Variants in FHIT observed in about 807,000 individuals in gnomAD.
The protein encoded by FHIT is bis(5'-adenosyl)-triphosphatase.
Under a neutral mutation model 17.9 loss-of-function variants are expected in FHIT, and 19 were observed. The ratio of observed to expected loss-of-function variants is 1.06; its 90% CI spans 0.74 to 1.56. FHIT has a LOEUF of 1.56. FHIT is among the 40% of genes most tolerant of loss of function. The probability of loss-of-function intolerance (pLI) is 0.00; values close to 1 mark genes in which losing one functional copy is unlikely to be tolerated. For synonymous variants in FHIT, 81 were observed against 69.7 expected, an observed-to-expected ratio of 1.16 and a Z score of -0.81; for missense variants, 248 against 189.2, an observed-to-expected ratio of 1.31 and a Z score of -1.82.
chr3:60,285,505 T>C (rs1277815475), intron 5 of FHIT, among the ~76,000 whole-genome samples: 2 of 152,204 alleles, frequency 1.3e-5, no homozygotes, highest in Non-Finnish European at 2.9e-5. Context: ...TGATGGATTT[T>C]TCACTTGTCT....
intron 7 of FHIT, among the ~76,000 whole-genome samples, chr3:59,963,308 G>A (rs1260456008): frequency 6.6e-6 from 1 of 151,876 alleles, no homozygotes; most frequent in African/African-American, 2.4e-5. Context: ...AAAGAAAAAT[G>A]TATTGTTAGT....
At chr3:60,210,724 A>C (rs1289226187) in intron 5 of FHIT, among the ~76,000 whole-genome samples, 1 of 152,162 alleles carries the variant, frequency 6.6e-6, no homozygotes, top group Non-Finnish European at 1.5e-5. Flanking sequence ...ATCTGACAGG[A>C]AAGTCTTAAA....
chr3:60,547,143 G>A (rs995337737), intron 4 of FHIT, among the ~76,000 whole-genome samples: 1 of 152,118 alleles, frequency 6.6e-6, no homozygotes. Flanking sequence ...ATGGCAGAAA[G>A]CAATTTTATT....
intron 5 of FHIT, among the ~76,000 whole-genome samples, chr3:60,505,948 C>T (rs2034710835): frequency 6.6e-6 from 1 of 152,162 alleles, no homozygotes; most frequent in Admixed American, 6.5e-5. Flanking sequence ...GCCAACCCAC[C>T]TCTGCTTTTT....
At chr3:59,751,945 G>A (rs1050824202) in intron 9 of FHIT, 1 of 364,136 alleles carries the variant, frequency 2.7e-6, no homozygotes, top group Non-Finnish European at 5.0e-6. Context: ...GATTCTGGAG[G>A]AGCACCACCG....
At chr3:60,966,321 T>G (rs889852444) in intron 3 of FHIT, among the ~76,000 whole-genome samples, 2 of 152,342 alleles carry the variant, frequency 1.3e-5, no homozygotes, top group South Asian at 4.1e-4. Flanking sequence ...GTCCCGATTT[T>G]CCAGGTACCG....
chr3:59,861,460 T>C (rs1443895229), intron 8 of FHIT, among the ~76,000 whole-genome samples: 1 of 152,208 alleles, frequency 6.6e-6, no homozygotes, highest in Non-Finnish European at 1.5e-5. Context: ...CAGTGCAAAC[T>C]TCCAGGGTGC....
chr3:60,124,047 GAGAGAGAGAC>G lies in FHIT; in HGVS notation c.104-109905_104-109896del, dbSNP rs1559653960. Among the ~76,000 whole-genome samples, 39 of 117,222 alleles carry G rather than the reference GAGAGAGAGAC, an allele frequency of 3.3e-4. 1 individual carries two copies. Among genetic ancestry groups the G allele is most frequent in the Non-Finnish European group, 5.5e-4 (30 of 54,372 alleles). The allele number at this position is 117,222 out of a possible 152,430, so 76.9% of individuals were successfully genotyped here. On this transcript the variant is annotated intron_variant, in intron 5 of 9. Coordinates refer to ENST00000492590, the MANE Select transcript of FHIT (RefSeq NM_002012.4). ...AGAGAGAGAGAGAGAGAGAGAGAGA[GAGAGAGAGAC>G]AGAGAGAGAGAGAGATACAAAGTCT...
At chr3:60,001,696 G>A (rs1699735224) in intron 7 of FHIT, among the ~76,000 whole-genome samples, 2 of 152,104 alleles carry the variant, frequency 1.3e-5, no homozygotes, top group African/African-American at 4.8e-5. Flanking sequence ...TTGCTCCTCT[G>A]GGATTTTCTT....
chr3:60,359,016 A>G (rs1342631118), intron 5 of FHIT, among the ~76,000 whole-genome samples: 1 of 152,182 alleles, frequency 6.6e-6, no homozygotes, highest in African/African-American at 2.4e-5. Flanking sequence ...ATAAAACAAA[A>G]GCTCATTAAG....
At chr3:60,224,409 C>T (rs1304140011) in intron 5 of FHIT, among the ~76,000 whole-genome samples, 1 of 152,128 alleles carries the variant, frequency 6.6e-6, no homozygotes, top group Admixed American at 6.5e-5. Context: ...GAAAAGAATT[C>T]AAGAAGGGAG....
chr3:60,158,616 A>G (rs1483495732), intron 5 of FHIT, among the ~76,000 whole-genome samples: 3 of 152,126 alleles, frequency 2.0e-5, no homozygotes, highest in African/African-American at 7.2e-5. Flanking sequence ...CCGGCCTCAT[A>G]CTTTCTCTAA....
chr3:60,349,163 C>T (rs865890894), intron 5 of FHIT, among the ~76,000 whole-genome samples: 4 of 152,244 alleles, frequency 2.6e-5, no homozygotes, highest in South Asian at 4.2e-4. Flanking sequence ...AAAAATTATT[C>T]ATTTTCTATT....
intron 1 of FHIT, among the ~76,000 whole-genome samples, chr3:61,237,480 A>C (rs1230548195): frequency 6.6e-6 from 1 of 152,226 alleles, no homozygotes; most frequent in Non-Finnish European, 1.5e-5. Context: ...TTAAATAGCC[A>C]GAACTGATGA....
rs1553732010 is a variant in FHIT, at chr3:60,800,929, C to T, written c.-18+20990G>A. Among the ~76,000 whole-genome samples, 5 of 152,170 alleles carry T rather than the reference C, an allele frequency of 3.3e-5. No homozygotes were observed. The South Asian group carries it at 1.0e-3, about 32-fold the overall frequency. On this transcript the variant is annotated intron_variant, in intron 4 of 9. Coordinates refer to ENST00000492590, the MANE Select transcript of FHIT (RefSeq NM_002012.4). ...AGGGTTAATTCTCCTGAGATGAGTTCAGCTGTGAGACCTTAGTATCCAACA... is the reference window on the plus strand; with the variant it reads ...AGGGTTAATTCTCCTGAGATGAGTTTAGCTGTGAGACCTTAGTATCCAACA...
In FHIT at chr3:59,806,694, A is replaced by G. The variant is rs1700216431; in HGVS notation, c.349-54373T>C. Among the ~76,000 whole-genome samples the G allele has an allele frequency of 3.7e-4, 3 of 8,200 alleles. No individual in the cohort carries two copies. The South Asian group carries it at 8.8e-3, about 24-fold the overall frequency. 5.4% of individuals were successfully genotyped at this position (8,200 alleles called of 152,430 possible). On this transcript the variant is annotated intron_variant, in intron 8 of 9. Coordinates refer to ENST00000492590, the MANE Select transcript of FHIT (RefSeq NM_002012.4). ...TATGTGTATATATATGTATATACAT[A>G]TGTATATATGTGTATATACATATGT...
chr3:60,652,446 C>T (rs1553688507), intron 4 of FHIT, among the ~76,000 whole-genome samples: 1 of 151,896 alleles, frequency 6.6e-6, no homozygotes, highest in Non-Finnish European at 1.5e-5. Flanking sequence ...TACTAAAATA[C>T]AAAAAGTAGG....
chr3:60,140,990 T>C (rs192906704), intron 5 of FHIT, among the ~76,000 whole-genome samples: 1 of 152,184 alleles, frequency 6.6e-6, no homozygotes, highest in Non-Finnish European at 1.5e-5. Context: ...ATGGTTTCAG[T>C]CTGGTAACAC....
chr3:60,384,863 A>T (rs1227837371), intron 5 of FHIT, among the ~76,000 whole-genome samples: 1 of 152,102 alleles, frequency 6.6e-6, no homozygotes, highest in East Asian at 1.9e-4. Context: ...AAATCTCAGA[A>T]ATCATTTATA....
Sources: allele counts gnomAD v4.1 joint callset (sites outside exome capture counted in the v4.1 genomes callset), GRCh38; gene constraint gnomAD v4.1.1; transcripts MANE v1.5; gene names NCBI Gene and HGNC (gene_info 2026-07-23, HGNC 2026-07-21).